SOX7: variants seen among roughly 807,000 people sequenced by gnomAD.
SOX7 encodes SRY-box transcription factor 7, also known as transcription factor SOX-7.
SOX7 carries 19 observed loss-of-function variants against 24.9 expected under a neutral mutation model. The ratio of observed to expected loss-of-function variants is 0.76; its 90% CI spans 0.53 to 1.12. The LOEUF (loss-of-function observed/expected upper bound fraction) is 1.12. Among genes scored for constraint, SOX7 ranks in the 50% most tolerant of loss-of-function variants. The pLI is 0.00. For missense variants in SOX7, 702 were observed against 535.0 expected (o/e 1.31, Z -3.08); for synonymous variants, 327 against 244.5 (o/e 1.34, Z -3.15).
In SOX7 at chr8:10,726,261, G is replaced by C; in HGVS notation, c.644C>G (p.Pro215Arg). ...PEMSPLDVLE[P>R]EQTFFSSPCQ... Reference sequence around the variant, plus strand: ...GGGGGAGGAGAAGAAGGTCTGCTCCGGCTCCAGCACGTCCAGGGGAGACAT... The same window carrying C: ...GGGGGAGGAGAAGAAGGTCTGCTCCCGCTCCAGCACGTCCAGGGGAGACAT... The change falls in exon 2 of 2, where the codon CCG (proline) becomes CGG (arginine). Residue 215 changes from proline to arginine, a missense_variant. Coordinates refer to ENST00000304501, the MANE Select transcript of SOX7 (RefSeq NM_031439.4). 4 of 1,613,854 alleles carry C rather than the reference G, an allele frequency of 2.5e-6. No homozygotes were observed. The South Asian group carries it at 4.4e-5, about 18-fold the overall frequency.
At chr8:10,728,079 G>A (rs1293507506) in intron 1 of SOX7, among the ~76,000 whole-genome samples, 1 of 152,216 alleles carries the variant, frequency 6.6e-6, no homozygotes, top group Non-Finnish European at 1.5e-5. Context: ...CAGATTCAGG[G>A]CTGGTCGTCA....
intron 1 of SOX7, chr8:10,729,224 G>A (rs570390087): frequency 7.2e-5 from 11 of 152,136 alleles, no homozygotes; most frequent in African/African-American, 4.8e-5. Context: ...TCTGAACTCC[G>A]ACGAAAAAAG....
Position 10,730,475 on chromosome 8 carries a change from G to C in SOX7, c.-42C>G. On this transcript the variant is annotated 5_prime_UTR_variant, in exon 1 of 2. Coordinates refer to ENST00000304501, the MANE Select transcript of SOX7 (RefSeq NM_031439.4). The surrounding 1 kb of genome is among the most constrained non-coding windows in gnomAD (Gnocchi z 4.8). ...CCTCGCTTCGCCTGGCGGGGCAGGC[G>C]CGGACCTGGCCCTCGCACGGGTCGG... 1 of 1,356,536 alleles carries C rather than the reference G, an allele frequency of 7.4e-7. No individual in the cohort carries two copies. Among genetic ancestry groups the C allele is most frequent in the Non-Finnish European group, 9.6e-7 (1 of 1,043,470 alleles). 84.0% of individuals were successfully genotyped at this position (1,356,536 alleles called of 1,614,324 possible).
chr8:10,723,776 C>T lies in SOX7; in HGVS notation c.*1962G>A, dbSNP rs1270256251. ...TTCAAAAGATAGAACAGTCATGGTA[C>T]AAAAATGTTTATTTAAATTAAATAT... On this transcript the variant is annotated 3_prime_UTR_variant, in exon 2 of 2. Coordinates refer to ENST00000304501, the MANE Select transcript of SOX7 (RefSeq NM_031439.4). 6.6e-6 allele frequency: 1 copy of T among 152,472 alleles called. No homozygotes were observed. The highest frequency in any genetic ancestry group is 6.5e-5 in the Admixed American group (1 of 15,280). 9.4% of individuals were successfully genotyped at this position (152,472 alleles called of 1,614,324 possible).
chr8:10,727,630 C>A (rs1800180609), intron 1 of SOX7, among the ~76,000 whole-genome samples: 1 of 152,202 alleles, frequency 6.6e-6, no homozygotes, highest in African/African-American at 2.4e-5. Flanking sequence ...TTTCAAGTTC[C>A]CGGAGCATCT....
intron 1 of SOX7, chr8:10,729,167 G>A (rs927236431): frequency 6.6e-6 from 1 of 152,210 alleles, no homozygotes; most frequent in African/African-American, 2.4e-5. Flanking sequence ...AGAAAGAGGG[G>A]CGTCAGTCCT....
At chr8:10,727,649 C>T (rs944176743) in intron 1 of SOX7, among the ~76,000 whole-genome samples, 2 of 152,220 alleles carry the variant, frequency 1.3e-5, no homozygotes, top group African/African-American at 4.8e-5. Context: ...CTTCCCTCAT[C>T]TATCAGTGTG....
In SOX7 at chr8:10,724,481, G is replaced by C. The variant is rs1280711056; in HGVS notation, c.*1257C>G. ...GAGTAAGGAAGCTGGAGACAGCCGG[G>C]AAGGAAGCACCTTTTGAATCTACAG... On this transcript the variant is annotated 3_prime_UTR_variant, in exon 2 of 2. Transcript: ENST00000304501. The C allele has an allele frequency of 6.6e-6, 1 of 152,424 alleles. No individual in the cohort carries two copies. Among genetic ancestry groups the C allele is most frequent in the Middle Eastern group, 3.4e-3 (1 of 294 alleles). 9.4% of individuals were successfully genotyped at this position (152,424 alleles called of 1,614,324 possible). A position where few individuals can be genotyped will look rare whatever the true frequency, so the allele number is the denominator to read the frequency against.
chr8:10,729,039 G>C (rs1380401411), intron 1 of SOX7, among the ~76,000 whole-genome samples: 3 of 152,272 alleles, frequency 2.0e-5, no homozygotes, highest in Admixed American at 2.0e-4. Context: ...AGTTGGTGCA[G>C]CCGGCCACCA....
chr8:10,726,318 G>A lies in SOX7; in HGVS notation c.587C>T (p.Thr196Met), dbSNP rs762435203. 1.9e-5 allele frequency: 30 copies of A among 1,613,552 alleles called. No individual in the cohort carries two copies. The Admixed American group carries it at 4.2e-4, about 22-fold the overall frequency. The change falls in exon 2 of 2, where the codon ACG becomes ATG. Residue 196 changes from threonine to methionine, a missense_variant. By Grantham distance (81) the Thr-to-Met change is moderately conservative. Transcript: ENST00000304501. ...GGGGTPSSVD[T>M]YPYGLPTPPE... is the part of the protein sequence containing the mutation. Reference sequence around the variant, plus strand: ...AGGTGTGGGCAGCCCGTACGGGTACGTGTCCACACTGCTCGGGGTGCCGCC... The same window carrying A: ...AGGTGTGGGCAGCCCGTACGGGTACATGTCCACACTGCTCGGGGTGCCGCC...
chr8:10,729,004 C>A (rs532633149), intron 1 of SOX7, among the ~76,000 whole-genome samples: 1 of 152,376 alleles, frequency 6.6e-6, no homozygotes, highest in South Asian at 2.1e-4. Context: ...GAAAAGGCCC[C>A]AGAAGGCCCC....
At chr8:10,727,686 C>T (rs1800181829) in intron 1 of SOX7, among the ~76,000 whole-genome samples, 1 of 152,212 alleles carries the variant, frequency 6.6e-6, no homozygotes, top group South Asian at 2.1e-4. Context: ...GCAGTGGTTT[C>T]TAGGGGTGGG....
In SOX7 at chr8:10,725,850, C is replaced by T; in HGVS notation, c.1055G>A (p.Ser352Asn). ...PDSATGAMAL[S>N]GHVPVSQVTP... The stretch of plus-strand genomic sequence containing the variant: ...CACCTGGGAGACCGGAACATGCCCA[C>T]TGAGGGCCATGGCCCCTGTGGCGGA... Residue 352 changes from serine to asparagine, a missense_variant, in exon 2 of 2, where the codon AGT (serine) becomes AAT (asparagine). Physicochemically the swap from Ser to Asn is conservative, Grantham distance 46. Coordinates refer to ENST00000304501, the MANE Select transcript of SOX7 (RefSeq NM_031439.4). The T allele has an allele frequency of 1.2e-6, 2 of 1,614,226 alleles. No individual in the cohort carries two copies. The highest frequency in any genetic ancestry group is 1.7e-5 in the Admixed American group (1 of 60,030).
chr8:10,728,531 G>A (rs979581677), intron 1 of SOX7, among the ~76,000 whole-genome samples: 2 of 152,234 alleles, frequency 1.3e-5, no homozygotes, highest in Non-Finnish European at 2.9e-5. Flanking sequence ...AGTGCCAGGA[G>A]CTACATGGCT....
At position 10,730,124 on chromosome 8, in the gene SOX7, C is replaced by T; in HGVS notation, c.238+72G>A. The T allele has an allele frequency of 8.5e-7, 1 of 1,169,674 alleles. No individual in the cohort carries two copies. Among genetic ancestry groups the T allele is most frequent in the Non-Finnish European group, 1.1e-6 (1 of 910,132 alleles). The allele number at this position is 1,169,674 out of a possible 1,614,324, so 72.5% of individuals were successfully genotyped here. A position where few individuals can be genotyped will look rare whatever the true frequency, so the allele number is the denominator to read the frequency against. ...CTTCCCCAGGCTCCGCGCTCGCACC[C>T]GCCCTGCAGTGCCGCCAGCCGCCCG... On this transcript the variant is annotated intron_variant, in intron 1 of 1. Transcript: ENST00000304501. This position sits in a 1 kb window ranked among gnomAD's most constrained non-coding sequence, Gnocchi z 4.8.
rs753223058 is a variant in SOX7, at chr8:10,730,234, T to C, written c.200A>G (p.Asn67Ser). The C allele has an allele frequency of 1.3e-6, 2 of 1,523,690 alleles. No homozygotes were observed. Among genetic ancestry groups the C allele is most frequent in the South Asian group, 1.2e-5 (1 of 85,602 alleles). 94.4% of individuals were successfully genotyped at this position (1,523,690 alleles called of 1,614,324 possible). A position where few individuals can be genotyped will look rare whatever the true frequency, so the allele number is the denominator to read the frequency against. Residue 67 changes from asparagine to serine, a missense_variant, in exon 1 of 2, where the codon AAC (asparagine) becomes AGC (serine). Coordinates refer to ENST00000304501, the MANE Select transcript of SOX7 (RefSeq NM_031439.4). This position sits in a 1 kb window ranked among gnomAD's most constrained non-coding sequence, Gnocchi z 4.8. ...GAGCTCGGCGTTGTGCAGGTCCGGG[T>C]TCTGCACTGCCAGCCGTTTCCTCTC... ...KDERKRLAVQNPDLHNAELSK... is the reference protein window; with the variant it reads ...KDERKRLAVQSPDLHNAELSK...
In SOX7 at chr8:10,725,718, C is replaced by A. The variant is rs755457699; in HGVS notation, c.*20G>T. 1.9e-6 allele frequency: 3 copies of A among 1,613,648 alleles called. No individual in the cohort carries two copies. The highest frequency in any genetic ancestry group is 1.7e-5 in the Admixed American group (1 of 59,992). ...AGAAGGAGAGGGCGCGAGGGCTGAC[C>A]GGACGGGGCGCCTCCAGCTCTATGA... On this transcript the variant is annotated 3_prime_UTR_variant, in exon 2 of 2. Coordinates refer to ENST00000304501, the MANE Select transcript of SOX7 (RefSeq NM_031439.4).
intron 1 of SOX7, among the ~76,000 whole-genome samples, chr8:10,727,292 A>C (rs1388453937): frequency 6.6e-6 from 1 of 152,210 alleles, no homozygotes; most frequent in Non-Finnish European, 1.5e-5. Context: ...GACTGAGGCC[A>C]GAATGCTAGC....
intron 1 of SOX7, among the ~76,000 whole-genome samples, chr8:10,727,669 C>A (rs574213797): frequency 6.6e-6 from 1 of 152,214 alleles, no homozygotes; most frequent in African/African-American, 2.4e-5. Context: ...GCACTGCACA[C>A]CCTTCTGCAG....
Sources: gnomAD v4.1 joint callset for allele counts (sites outside exome capture counted in the v4.1 genomes callset) on GRCh38, gnomAD v4.1.1 for gene constraint, Gnocchi (gnomAD v3.1) non-coding constraint, MANE v1.5 for transcripts, NCBI Gene and HGNC (gene_info 2026-07-23, HGNC 2026-07-21) for gene names.